GRID2: variants seen among roughly 807,000 people sequenced by gnomAD.
The protein encoded by GRID2 is glutamate ionotropic receptor delta type subunit 2, also known as glutamate receptor ionotropic, delta-2.
GRID2 carries 33 observed loss-of-function variants against 114.8 expected under a neutral mutation model. That is an observed-to-expected ratio of 0.29 (90% CI 0.22 to 0.38). GRID2 has a LOEUF of 0.38. Among genes scored for constraint, GRID2 ranks in the 10% least tolerant of loss-of-function variants. The pLI, the probability that GRID2 is intolerant of heterozygous loss-of-function variation, is 1.00. For synonymous variants in GRID2, 505 were observed against 449.9 expected, an observed-to-expected ratio of 1.12 and a Z score of -1.55; for missense variants, 1,184 against 1,257.7, an observed-to-expected ratio of 0.94 and a Z score of 0.89.
At chr4:93,284,827 G>A (rs1359164211) in intron 8 of GRID2, among the ~76,000 whole-genome samples, 1 of 151,862 alleles carries the variant, frequency 6.6e-6, no homozygotes, top group Non-Finnish European at 1.5e-5. Flanking sequence ...TACATATTTA[G>A]CTTTTCAGCG....
At chr4:92,726,185 A>G (rs1178591570) in intron 2 of GRID2, among the ~76,000 whole-genome samples, 2 of 152,138 alleles carry the variant, frequency 1.3e-5, no homozygotes, top group Non-Finnish European at 2.9e-5. Context: ...AAAATTTAAG[A>G]TAGGAGAGGG....
chr4:93,497,730 G>T (rs1560683575), intron 12 of GRID2, among the ~76,000 whole-genome samples: 1 of 151,522 alleles, frequency 6.6e-6, no homozygotes, highest in African/African-American at 2.4e-5. Flanking sequence ...CTATCCCTCT[G>T]CCGGTAACAC....
rs138910201 is a variant in GRID2 at position 92,842,430 on chromosome 4, C to A, written c.245-242565C>A. Reference sequence around the variant, plus strand: ...AACATTTACTGGATGTTGAACTCATCTATCTTAGTTGTATATGAGGAAATT... The same window carrying A: ...AACATTTACTGGATGTTGAACTCATATATCTTAGTTGTATATGAGGAAATT... On this transcript the variant is annotated intron_variant, in intron 2 of 15. Coordinates refer to ENST00000282020, the MANE Select transcript of GRID2 (RefSeq NM_001510.4). 5.8e-3 allele frequency among the ~76,000 whole-genome samples: 878 copies of A among 152,180 alleles called. 16 individuals carry two copies. The highest frequency in any genetic ancestry group is 0.02 in the African/African-American group (834 of 41,534).
intron 14 of GRID2, among the ~76,000 whole-genome samples, chr4:93,650,621 T>C (rs908375528): frequency 2.0e-5 from 3 of 152,190 alleles, no homozygotes; most frequent in Admixed American, 1.3e-4. Context: ...GTGTGAAACA[T>C]AGGAGTTTCT....
intron 4 of GRID2, among the ~76,000 whole-genome samples, chr4:93,206,870 G>C (rs750451606): frequency 2.0e-5 from 3 of 151,942 alleles, no homozygotes; most frequent in Non-Finnish European, 2.9e-5. Flanking sequence ...TTTTAGAATA[G>C]ATCACCTTAG....
Position 93,067,537 on chromosome 4 carries a change from C to A in GRID2, c.245-17458C>A, listed in dbSNP as rs964972290. Among the ~76,000 whole-genome samples the A allele has an allele frequency of 3.4e-4, 52 of 151,974 alleles. 1 individual carries two copies. The highest frequency in any genetic ancestry group is 1.2e-3 in the African/African-American group (51 of 41,398). On this transcript the variant is annotated intron_variant, in intron 2 of 15. Coordinates refer to ENST00000282020, the MANE Select transcript of GRID2 (RefSeq NM_001510.4). ...AGGCTCTGCCTTCATGACTTAATCA[C>A]CTCCCAAAGACCCTACATCTTAATA... is the stretch of plus-strand genomic sequence containing the variant.
intron 2 of GRID2, among the ~76,000 whole-genome samples, chr4:92,771,753 T>G (rs762125907): frequency 6.8e-4 from 104 of 152,186 alleles, no homozygotes; most frequent in Non-Finnish European, 1.4e-3. Flanking sequence ...GATTCCAGAT[T>G]GAGCTGTCAA....
chr4:92,665,058 G>T (rs1732705227), intron 2 of GRID2, among the ~76,000 whole-genome samples: 1 of 146,122 alleles, frequency 6.8e-6, no homozygotes, highest in Non-Finnish European at 1.5e-5. Context: ...AAAATCTTCT[G>T]TCATTTTGCC....
chr4:93,202,681 A>G (rs571898216), intron 4 of GRID2, among the ~76,000 whole-genome samples: 2 of 152,166 alleles, frequency 1.3e-5, no homozygotes, highest in Non-Finnish European at 2.9e-5. Context: ...ATTTAAAACT[A>G]TAAAAACAAT....
intron 14 of GRID2, among the ~76,000 whole-genome samples, chr4:93,631,209 G>A (rs1743213117): frequency 6.7e-6 from 1 of 149,520 alleles, no homozygotes; most frequent in Non-Finnish European, 1.5e-5. Context: ...AAACACTTAG[G>A]GATTCTCTTT....
At chr4:93,403,885 A>G (rs1441716749) in intron 9 of GRID2, among the ~76,000 whole-genome samples, 1 of 152,182 alleles carries the variant, frequency 6.6e-6, no homozygotes, top group African/African-American at 2.4e-5. Flanking sequence ...TATAATCCCA[A>G]GAGAAATGAA....
intron 1 of GRID2, among the ~76,000 whole-genome samples, chr4:92,477,828 T>C (rs1722393739): frequency 6.8e-6 from 1 of 147,238 alleles, no homozygotes. Flanking sequence ...AAATAATATA[T>C]ATTTTAATAT....
rs530463718 is a variant in GRID2, at chr4:93,553,596, C to G, written c.2193+38185C>G. On this transcript the variant is annotated intron_variant, in intron 13 of 15. Transcript: ENST00000282020. ...AGTTTGTTCTGACTGCTACAAATACCTGCAGGCTTGCATGAGTTCATTAAA... is the reference window on the plus strand; with the variant it reads ...AGTTTGTTCTGACTGCTACAAATACGTGCAGGCTTGCATGAGTTCATTAAA... Among the ~76,000 whole-genome samples the G allele has an allele frequency of 9.2e-5, 14 of 152,268 alleles. No homozygotes were observed. In the South Asian group the frequency reaches 2.7e-3, roughly 29 times the overall value.
At chr4:93,087,601 T>C (rs889667691) in intron 3 of GRID2, among the ~76,000 whole-genome samples, 4 of 152,172 alleles carry the variant, frequency 2.6e-5, no homozygotes, top group Admixed American at 2.6e-4. Context: ...GTAAATAAGA[T>C]GGAATAATTA....
intron 13 of GRID2, among the ~76,000 whole-genome samples, chr4:93,589,119 T>A (rs1292409193): frequency 6.6e-6 from 1 of 152,000 alleles, no homozygotes; most frequent in African/African-American, 2.4e-5. Flanking sequence ...GTTACATACG[T>A]ATACGTGTGC....
chr4:92,474,423 T>G (rs1347292806), intron 1 of GRID2, among the ~76,000 whole-genome samples: 3 of 152,152 alleles, frequency 2.0e-5, no homozygotes, highest in Admixed American at 1.3e-4. Flanking sequence ...TACCCACTGA[T>G]GAACACAAGG....
Position 93,045,856 on chromosome 4 carries a change from C to A in GRID2, c.245-39139C>A, listed in dbSNP as rs577884895. 1.3e-4 allele frequency among the ~76,000 whole-genome samples: 20 copies of A among 152,140 alleles called. 1 individual carries two copies. In the East Asian group the frequency reaches 3.9e-3, roughly 29 times the overall value. Reference sequence around the variant, plus strand: ...AAGAAATGAAGATCATTAAAATGAACTGTATGCCATGAGTAGTTATTTTCT... The same window carrying A: ...AAGAAATGAAGATCATTAAAATGAAATGTATGCCATGAGTAGTTATTTTCT... On this transcript the variant is annotated intron_variant, in intron 2 of 15. Transcript: ENST00000282020.
At chr4:93,646,668 A>C (rs1388973123) in intron 14 of GRID2, among the ~76,000 whole-genome samples, 1 of 152,098 alleles carries the variant, frequency 6.6e-6, no homozygotes, top group East Asian at 1.9e-4. Context: ...TGAATGTAGT[A>C]AGAGAAGTTA....
At chr4:92,788,792 A>G (rs79297142) in intron 2 of GRID2, among the ~76,000 whole-genome samples, 3,478 of 151,836 alleles carry the variant, frequency 0.023, 99 homozygotes, top group East Asian at 0.12. Flanking sequence ...GAAATGTAGC[A>G]GGTTTTTTCT....
Sources: allele counts gnomAD v4.1 joint callset (sites outside exome capture counted in the v4.1 genomes callset), GRCh38; gene constraint gnomAD v4.1.1; transcripts MANE v1.5; gene names NCBI Gene and HGNC (gene_info 2026-07-23, HGNC 2026-07-21).